The following PQBP1 variants were observed in gnomAD, a reference collection of about 807,000 sequenced individuals.
The protein encoded by PQBP1 is polyglutamine-binding protein 1.
Under a neutral mutation model 20.9 loss-of-function variants are expected in PQBP1, and 3 were observed. The ratio of observed to expected loss-of-function variants is 0.14; its 90% CI spans 0.07 to 0.37. PQBP1 has a LOEUF of 0.37. Ranked by LOEUF, PQBP1 falls within the 10% of genes least tolerant of loss-of-function variation. PQBP1 has a pLI of 1.00. For synonymous variants in PQBP1, 83 were observed against 93.8 expected, an observed-to-expected ratio of 0.88 and a Z score of 0.67; for missense variants, 162 against 240.3, an observed-to-expected ratio of 0.67 and a Z score of 2.16.
intron 2 of PQBP1, among the ~76,000 whole-genome samples, chrX:48,900,431 C>T (rs1215465202): frequency 9.6e-6 from 1 of 104,039 alleles, no homozygotes; most frequent in African/African-American, 3.5e-5. Context: ...GTAGCTAGGA[C>T]CACAGGCGTG....
At chrX:48,898,976 AT>A (rs782427442) in intron 2 of PQBP1, among the ~76,000 whole-genome samples, 151 of 54,092 alleles carry the variant, frequency 2.8e-3, no homozygotes, top group Middle Eastern at 0.03. Flanking sequence ...ACACCTGGCA[AT>A]TTTTTTTTTT....
Position 48,902,075 on chromosome X carries a change from A to G in PQBP1, c.292+33A>G, listed in dbSNP as rs782817435. 3 of 1,209,135 alleles carry G rather than the reference A, an allele frequency of 2.5e-6. No individual in the cohort carries two copies. In the South Asian group the frequency reaches 5.3e-5, roughly 21 times the overall value. On this transcript the variant is annotated intron_variant, in intron 4 of 6. Transcript: ENST00000447146. The stretch of plus-strand genomic sequence containing the variant: ...GGCAGGTACAAGCGTGCCTTGAGTG[A>G]TCTTAGCAGTTCTCACGGAGAGGCC...
At chrX:48,900,575 G>C (rs2063393810) in intron 2 of PQBP1, among the ~76,000 whole-genome samples, 1 of 107,643 alleles carries the variant, frequency 9.3e-6, no homozygotes, top group Non-Finnish European at 1.9e-5. Context: ...TATTTGTTTA[G>C]AGACAGGGTC....
chrX:48,901,480 C>A, intron 3 of PQBP1, 179 bp downstream of exon 3: 1 of 977,018 alleles, frequency 1.0e-6, no homozygotes, highest in Non-Finnish European at 1.4e-6. Context: ...GGAAGACTGT[C>A]TTTTCTCTCT....
chrX:48,900,355 G>A (rs1396126617), intron 2 of PQBP1, among the ~76,000 whole-genome samples: 1 of 78,949 alleles, frequency 1.3e-5, no homozygotes, highest in Non-Finnish European at 2.3e-5. Context: ...GTGCAGTGGT[G>A]CAGTCTTGGC....
Position 48,898,527 on chromosome X carries a change from G to A in PQBP1, c.18G>A (p.Ala6=), listed in dbSNP as rs782621012. MPLPV[A]LQTRLAKRGI... ...TATCAGCTATGCCGCTGCCCGTTGCGCTGCAGACCCGCTTGGCCAAGAGAG... is the reference window on the plus strand; with the variant it reads ...TATCAGCTATGCCGCTGCCCGTTGCACTGCAGACCCGCTTGGCCAAGAGAG... The change falls in exon 2 of 7, where the codon GCG becomes GCA. Residue 6 remains alanine, a synonymous_variant. Coordinates refer to ENST00000447146, the MANE Select transcript of PQBP1 (RefSeq NM_001032382.2). 8 of 1,211,038 alleles carry A rather than the reference G, an allele frequency of 6.6e-6. No individual in the cohort carries two copies. The highest frequency in any genetic ancestry group is 8.9e-6 in the Non-Finnish European group (8 of 895,241).
rs1557041007 is a variant in PQBP1 at position 48,901,242 on chromosome X, C to T, written c.120C>T (p.Tyr40=). 11 of 1,209,795 alleles carry T rather than the reference C, an allele frequency of 9.1e-6. No homozygotes were observed. Among genetic ancestry groups the T allele is most frequent in the Non-Finnish European group, 7.8e-6 (7 of 894,725 alleles). ...ACTATGACGATGATCCTGTGGACTA[C>T]GAGGCCACCAGGTTGGAGGGCCTAC... ...AEDYDDDPVD[Y]EATRLEGLPP... The change falls in exon 3 of 7, where the codon TAC becomes TAT. Residue 40 remains tyrosine (Y), a synonymous_variant. Transcript: ENST00000447146.
chrX:48,903,050 A>G lies in PQBP1; in HGVS notation c.764A>G (p.Asn255Ser). The change falls in exon 7 of 7, where the codon AAT becomes AGT. Residue 255 changes from asparagine to serine, a missense_variant. Coordinates refer to ENST00000447146, the MANE Select transcript of PQBP1 (RefSeq NM_001032382.2). Reference sequence around the variant, plus strand: ...TCCCCAGGGGCTGTGCTCCGGGCCAATGCAGAGGCCTCCCGAACCAAGCAG... The same window carrying G: ...TCCCCAGGGGCTGTGCTCCGGGCCAGTGCAGAGGCCTCCCGAACCAAGCAG... ...YPSPGAVLRA[N>S]AEASRTKQQD 8.3e-7 allele frequency: 1 copy of G among 1,208,447 alleles called. No homozygotes were observed. Among genetic ancestry groups the G allele is most frequent in the African/African-American group, 1.7e-5 (1 of 57,705 alleles).
At position 48,902,316 on chromosome X, in the gene PQBP1, AGGGGCCACGACAAGTCAGACC is replaced by A. The variant is rs782547972; in HGVS notation, c.393_413del (p.Gly134_Arg140del). 133 of 1,209,274 alleles carry A rather than the reference AGGGGCCACGACAAGTCAGACC, an allele frequency of 1.1e-4. No homozygotes were observed. The African/African-American group carries it at 1.1e-3, about 10-fold the overall frequency. On this transcript the variant is annotated inframe_deletion, in exon 5 of 7. Transcript: ENST00000447146. Reference sequence around the variant, plus strand: ...GGACCGCAGCCATGAGAAACTAGACAGGGGCCACGACAAGTCAGACCGGGGCCACGACAAGTCTGACAGGGA... The same window carrying A: ...GGACCGCAGCCATGAGAAACTAGACAGGGGCCACGACAAGTCTGACAGGGA...
chrX:48,900,343 G>C (rs1322163545), intron 2 of PQBP1, among the ~76,000 whole-genome samples: 1 of 83,284 alleles, frequency 1.2e-5, no homozygotes, highest in Non-Finnish European at 2.3e-5. Context: ...ACCTAGGCTG[G>C]AGTGCAGTGG....
chrX:48,901,898 T>G, intron 3 of PQBP1, 32 bp from the exon 4 acceptor site: 1 of 1,210,983 alleles, frequency 8.3e-7, no homozygotes, highest in Middle Eastern at 2.3e-4. Flanking sequence ...CAAGGACATC[T>G]GTGCTGACAC....
intron 2 of PQBP1, among the ~76,000 whole-genome samples, chrX:48,899,911 C>T (rs1216491125): frequency 4.5e-5 from 5 of 111,980 alleles, no homozygotes; most frequent in African/African-American, 1.6e-4. Flanking sequence ...ACATCTATTA[C>T]AAGCCTACTG....
At chrX:48,902,142 C>T (rs1234837335) in intron 4 of PQBP1, 91 bp from the exon 5 acceptor site, 38 of 1,204,625 alleles carry the variant, frequency 3.2e-5, no homozygotes, top group Non-Finnish European at 3.9e-5. Context: ...TGAGACCAGG[C>T]GGGCCCAGCC....
In PQBP1 at chrX:48,898,271, TG is replaced by T. The variant is rs781985073; in HGVS notation, c.-19+191del. The T allele has an allele frequency of 5.4e-5, 38 of 707,926 alleles. No homozygotes were observed. In the African/African-American group the frequency reaches 7.9e-4, roughly 15 times the overall value. 58.3% of individuals were successfully genotyped at this position (707,926 alleles called of 1,213,427 possible). On this transcript the variant is annotated intron_variant, in intron 1 of 6. Transcript: ENST00000447146. ...TGGGCCTGGGAGAGGAACAGGGCCC[TG>T]GAGCACCTGGTTTCGGGGACAGTAG...
At chrX:48,898,178 T>C in intron 1 of PQBP1, 96 bp downstream of exon 1, 2 of 1,018,010 alleles carry the variant, frequency 2.0e-6, no homozygotes, top group Non-Finnish European at 2.6e-6. Context: ...CCGGCAGTCA[T>C]GGGGACGCTG....
In PQBP1 at chrX:48,900,729, T is replaced by A. The variant is rs782054740; in HGVS notation, c.68-461T>A. On this transcript the variant is annotated intron_variant, in intron 2 of 6. Transcript: ENST00000447146. The stretch of plus-strand genomic sequence containing the variant: ...GTGCCACTGTGCCCAGCTAATTTTT[T>A]TTTTTTGTAGAGACAGGGGTCTCAC... Among the ~76,000 whole-genome samples the A allele has an allele frequency of 3.7e-5, 4 of 109,414 alleles. No individual in the cohort carries two copies. In the East Asian group the frequency reaches 1.1e-3, roughly 31 times the overall value.
chrX:48,898,656 C>A, intron 2 of PQBP1, 80 bp downstream of exon 2: 2 of 1,020,525 alleles, frequency 2.0e-6, no homozygotes, highest in Non-Finnish European at 2.7e-6. Flanking sequence ...ACGCTTGATA[C>A]CTAGCATGGG....
chrX:48,898,785 C>CTTT lies in PQBP1; in HGVS notation c.67+246_67+248dup, dbSNP rs34214032. Among the ~76,000 whole-genome samples the CTTT allele has an allele frequency of 2.0e-3, 43 of 21,485 alleles. 5 individuals are homozygous for CTTT. The highest frequency in any genetic ancestry group is 2.7e-3 in the Admixed American group (3 of 1,127). The allele number at this position is 21,485 out of a possible 115,157, so 18.7% of individuals were successfully genotyped here. ...GGGTTGGGGGAATAGATATTTCATT[C>CTTT]TTTTTTTTTTTTTTTTTTTTTTTTT... On this transcript the variant is annotated intron_variant, in intron 2 of 6. Transcript: ENST00000447146.
intron 2 of PQBP1, among the ~76,000 whole-genome samples, chrX:48,900,681 T>C (rs1374592956): frequency 1.8e-5 from 2 of 110,617 alleles, no homozygotes; most frequent in African/African-American, 6.6e-5. Context: ...CTCAGCCTCC[T>C]GAGTAGTTGG....
Sources: allele counts gnomAD v4.1 joint callset (sites outside exome capture counted in the v4.1 genomes callset), GRCh38; gene constraint gnomAD v4.1.1; transcripts MANE v1.5; gene names NCBI Gene and HGNC (gene_info 2026-07-23, HGNC 2026-07-21).